The following DYNC2H1 variants were observed in gnomAD, a reference collection of about 807,000 sequenced individuals.
The protein encoded by DYNC2H1 is dynein cytoplasmic 2 heavy chain 1, also known as cytoplasmic dynein 2 heavy chain 1.
DYNC2H1 carries 410 observed loss-of-function variants against 570.0 expected under a neutral mutation model. That is an observed-to-expected ratio of 0.72 (90% CI 0.66 to 0.78). The LOEUF (loss-of-function observed/expected upper bound fraction) is 0.78. Among genes scored for constraint, DYNC2H1 ranks in the 30% least tolerant of loss-of-function variants. The probability of loss-of-function intolerance (pLI) is 0.00; values close to 1 mark genes in which losing one functional copy is unlikely to be tolerated. For synonymous variants in DYNC2H1, 1,688 were observed against 1,677.6 expected (o/e 1.01, Z -0.15); for missense variants, 4,865 against 5,046.4 (o/e 0.96, Z 1.09).
intron 84 of DYNC2H1, among the ~76,000 whole-genome samples, chr11:103,423,757 CA>C (rs568211070): frequency 2.7e-5 from 4 of 148,204 alleles, no homozygotes; most frequent in East Asian, 2.0e-4. Context: ...TATAAAAATG[CA>C]AAAAAAAATT....
At chr11:103,110,827 T>A (rs1053888729) in intron 1 of DYNC2H1, among the ~76,000 whole-genome samples, 1 of 152,136 alleles carries the variant, frequency 6.6e-6, no homozygotes, top group African/African-American at 2.4e-5. Context: ...GTGCCTTTTT[T>A]TTTTTTTTTA....
At chr11:103,173,921 C>T in intron 35 of DYNC2H1, 134 bp from the exon 36 acceptor site, 2 of 630,998 alleles carry the variant, frequency 3.2e-6, no homozygotes, top group South Asian at 4.8e-5. Context: ...GTGGTTGCTT[C>T]CCTTATATAA....
At chr11:103,233,877 T>TGG (rs71066144) in intron 60 of DYNC2H1, among the ~76,000 whole-genome samples, 157 bp from the exon 61 acceptor site, 5 of 85,728 alleles carry the variant, frequency 5.8e-5, no homozygotes, top group African/African-American at 1.5e-4. Flanking sequence ...TGTGTGTGTG[T>TGG]GGGTTTGTCT....
Position 103,223,411 on chromosome 11 carries a change from C to G in DYNC2H1, c.9353+325C>G, listed in dbSNP as rs639087. On this transcript the variant is annotated intron_variant, in intron 59 of 88. Transcript: ENST00000375735. ...TTTTTTGTTTTTTGTTTTTGAGACA[C>G]AGTTTCGCTCTTGTTGCCCAGGCTG... is the stretch of plus-strand genomic sequence containing the variant. Among the ~76,000 whole-genome samples, 141,988 of 152,266 alleles carry G rather than the reference C, an allele frequency of 0.93. 66,233 individuals are homozygous for G. The highest frequency in any genetic ancestry group is 0.94 in the African/African-American group (39,130 of 41,558).
chr11:103,283,149 A>G (rs1038144776), intron 73 of DYNC2H1, 64 bp downstream of exon 73: 3 of 1,313,858 alleles, frequency 2.3e-6, no homozygotes, highest in Non-Finnish European at 3.2e-6. Context: ...TTCTGTTGAT[A>G]CTTTGTGCTC....
In DYNC2H1 at chr11:103,114,243, A is replaced by G. The variant is rs777628136; in HGVS notation, c.502+5A>G. The G allele has an allele frequency of 6.3e-7, 1 of 1,579,098 alleles. No individual in the cohort carries two copies. The highest frequency in any genetic ancestry group is 1.8e-5 in the Admixed American group (1 of 54,416). On this transcript the variant is annotated splice_donor_5th_base_variant and intron_variant, in intron 3 of 88. Transcript: ENST00000375735. ...TTAAGGAAGATGACACACGAGGTATATAACCATAGCTTAATAAAAGAGAGT... is the reference window on the plus strand; with the variant it reads ...TTAAGGAAGATGACACACGAGGTATGTAACCATAGCTTAATAAAAGAGAGT...
At chr11:103,246,295 G>C (rs1228424133) in intron 65 of DYNC2H1, among the ~76,000 whole-genome samples, 9 of 152,022 alleles carry the variant, frequency 5.9e-5, no homozygotes, top group Admixed American at 5.9e-4. Context: ...TGCTGAGCTA[G>C]TTTCTTGCTA....
chr11:103,114,002 C>T, intron 2 of DYNC2H1, 101 bp from the exon 3 acceptor site: 1 of 1,358,146 alleles, frequency 7.4e-7, no homozygotes, highest in Non-Finnish European at 1.0e-6. Context: ...GAGGTAGTGG[C>T]AGGCTTTAAG....
intron 1 of DYNC2H1, among the ~76,000 whole-genome samples, chr11:103,112,543 G>A (rs1858163241): frequency 6.6e-6 from 1 of 152,170 alleles, no homozygotes; most frequent in South Asian, 2.1e-4. Context: ...AATTGAATGG[G>A]AATGGCTATG....
chr11:103,311,740 G>C (rs1253386674), intron 78 of DYNC2H1, 138 bp from the exon 79 acceptor site: 5 of 723,976 alleles, frequency 6.9e-6, no homozygotes, highest in Non-Finnish European at 1.1e-5. Context: ...TGTACATTTT[G>C]AAGTAACATA....
In DYNC2H1 at chr11:103,199,520, A is replaced by G; in HGVS notation, c.8088+44A>G. On this transcript the variant is annotated intron_variant, in intron 49 of 88. Coordinates refer to ENST00000375735, the MANE Select transcript of DYNC2H1 (RefSeq NM_001377.3). The surrounding 1 kb of genome is among the most constrained non-coding windows in gnomAD (Gnocchi z 4.6). ...TTTGCTTTATTTGGTTTTAAATTAC[A>G]TTGGTTATTACTCTAAACATCTTTA... The G allele has an allele frequency of 6.8e-7, 1 of 1,464,942 alleles. No homozygotes were observed. The highest frequency in any genetic ancestry group is 9.0e-7 in the Non-Finnish European group (1 of 1,106,556). 90.7% of individuals were successfully genotyped at this position (1,464,942 alleles called of 1,614,324 possible).
At chr11:103,138,968 C>T (rs1254819084) in intron 17 of DYNC2H1, among the ~76,000 whole-genome samples, 1 of 151,626 alleles carries the variant, frequency 6.6e-6, no homozygotes, top group Admixed American at 6.6e-5. Flanking sequence ...AGGAATTTAT[C>T]CATTTCTTCT....
In DYNC2H1 at chr11:103,241,434, A is replaced by G; in HGVS notation, c.9820-2259A>G. 8.8e-7 allele frequency: 1 copy of G among 1,140,940 alleles called. No homozygotes were observed. Among genetic ancestry groups the G allele is most frequent in the East Asian group, 2.5e-5 (1 of 39,602 alleles). 70.7% of individuals were successfully genotyped at this position (1,140,940 alleles called of 1,614,324 possible). A position where few individuals can be genotyped will look rare whatever the true frequency, so the allele number is the denominator to read the frequency against. On this transcript the variant is annotated intron_variant, in intron 63 of 88. Transcript: ENST00000375735. This position sits in a 1 kb window ranked among gnomAD's most constrained non-coding sequence, Gnocchi z 5.1. Reference sequence around the variant, plus strand: ...GAGACGTAAAATAAGATGACAACAAACTTTTAAGTACCCTTTGAAAAACTT... The same window carrying G: ...GAGACGTAAAATAAGATGACAACAAGCTTTTAAGTACCCTTTGAAAAACTT...
rs182151188 is a variant in DYNC2H1 at position 103,313,955 on chromosome 11, C to T, written c.11649+1922C>T. On this transcript the variant is annotated intron_variant, in intron 79 of 88. Coordinates refer to ENST00000375735, the MANE Select transcript of DYNC2H1 (RefSeq NM_001377.3). ...CATCTTCCTGTAAATCTTTTTTTTCCTGACTTCTCTGACCTCTGTCCTTAG... is the reference window on the plus strand; with the variant it reads ...CATCTTCCTGTAAATCTTTTTTTTCTTGACTTCTCTGACCTCTGTCCTTAG... Among the ~76,000 whole-genome samples the T allele has an allele frequency of 1.4e-3, 212 of 152,012 alleles. 1 individual carries two copies. The highest frequency in any genetic ancestry group is 2.1e-3 in the Non-Finnish European group (142 of 67,954).
In DYNC2H1 at chr11:103,173,180, T is replaced by C. The variant is rs754976777; in HGVS notation, c.5433T>C (p.Leu1811=). Residue 1811 remains leucine, a synonymous_variant, in exon 35 of 89, where the codon CTT becomes CTC. Coordinates refer to ENST00000375735, the MANE Select transcript of DYNC2H1 (RefSeq NM_001377.3). ...AACTGCCTGATAATCTTAAACAGCT[T>C]TTCAGGCCCGTAGCTATGTCTCATC... The part of the protein sequence containing the change: ...RQKLPDNLKQ[L]FRPVAMSHPD... 1 of 1,596,728 alleles carries C rather than the reference T, an allele frequency of 6.3e-7. No homozygotes were observed. Among genetic ancestry groups the C allele is most frequent in the Non-Finnish European group, 8.5e-7 (1 of 1,171,510 alleles).
chr11:103,309,168 A>ATGTTTTTTTTTTTTTTTTTTTTTTTTTTT (rs1867444215), intron 78 of DYNC2H1, among the ~76,000 whole-genome samples: 2 of 54,620 alleles, frequency 3.7e-5, no homozygotes, highest in Non-Finnish European at 6.8e-5. Flanking sequence ...ACTGCATGCT[A>ATGTTTTTTTTTTTTTTTTTTTTTTTTTTT]TTTTTTTTTT....
chr11:103,256,897 C>T lies in DYNC2H1; in HGVS notation c.10461+657C>T, dbSNP rs1565437630. 6.6e-6 allele frequency among the ~76,000 whole-genome samples: 1 copy of T among 152,192 alleles called. No homozygotes were observed. The highest frequency in any genetic ancestry group is 1.5e-5 in the Non-Finnish European group (1 of 68,038). On this transcript the variant is annotated intron_variant, in intron 68 of 88. Coordinates refer to ENST00000375735, the MANE Select transcript of DYNC2H1 (RefSeq NM_001377.3). The surrounding 1 kb of genome is among the most constrained non-coding windows in gnomAD (Gnocchi z 4.0). ...CTCTGATCACAAATATTTACCATTT[C>T]ATCTTACCCACTTTCCCCTAATACT...
intron 87 of DYNC2H1, 105 bp downstream of exon 87, chr11:103,456,461 C>T: frequency 1.3e-5 from 10 of 788,962 alleles, no homozygotes; most frequent in Non-Finnish European, 2.0e-5. Context: ...AGTGTAAGAT[C>T]AGTAGAGTTA....
intron 21 of DYNC2H1, 64 bp downstream of exon 21, chr11:103,152,349 T>C: frequency 6.9e-7 from 1 of 1,451,304 alleles, no homozygotes; most frequent in Non-Finnish European, 9.3e-7. Context: ...TTCTTGCTTA[T>C]CTTTTATTCC....
Sources: gnomAD v4.1 joint callset for allele counts (sites outside exome capture counted in the v4.1 genomes callset) on GRCh38, gnomAD v4.1.1 for gene constraint, Gnocchi (gnomAD v3.1) non-coding constraint, MANE v1.5 for transcripts, NCBI Gene and HGNC (gene_info 2026-07-23, HGNC 2026-07-21) for gene names.